PEAK1: variants seen among roughly 807,000 people sequenced by gnomAD.
PEAK1 encodes the protein inactive tyrosine-protein kinase PEAK1.
PEAK1 carries 54 observed loss-of-function variants against 124.7 expected under a neutral mutation model. That is an observed-to-expected ratio of 0.43 (90% confidence interval 0.35 to 0.54). The LOEUF is 0.54. PEAK1 is among the 20% of genes least tolerant of loss of function. The pLI is 0.01. For missense variants in PEAK1, 2,046 were observed against 2,134.5 expected (o/e 0.96, Z 0.82); for synonymous variants, 719 against 760.0 (o/e 0.95, Z 0.89).
intron 5 of PEAK1, among the ~76,000 whole-genome samples, chr15:77,275,723 T>C (rs754003697): frequency 2.0e-5 from 3 of 150,234 alleles, no homozygotes; most frequent in Non-Finnish European, 4.4e-5. Context: ...AATAAATAAA[T>C]AAATAAAATA....
At chr15:77,272,355 A>T (rs2062082357) in intron 5 of PEAK1, among the ~76,000 whole-genome samples, 1 of 152,232 alleles carries the variant, frequency 6.6e-6, no homozygotes, top group Non-Finnish European at 1.5e-5. Context: ...TAAAATTGAT[A>T]GACCATTAGT....
At chr15:77,241,973 AAATATTTTTCCACATC>A (rs781526048) in intron 6 of PEAK1, among the ~76,000 whole-genome samples, 7 of 152,062 alleles carry the variant, frequency 4.6e-5, no homozygotes, top group Non-Finnish European at 1.0e-4. Flanking sequence ...AATATATAAC[AAATATTTTTCCACATC>A]AATATTTTTC....
chr15:77,104,854 G>A (rs923668412), downstream of PEAK1: 3 of 152,208 alleles, frequency 2.0e-5, no homozygotes, highest in East Asian at 1.9e-4. Flanking sequence ...CACCTCACCA[G>A]ATTGTGAAGA....
chr15:77,122,374 T>G (rs1290205388), intron 9 of PEAK1, among the ~76,000 whole-genome samples: 1 of 152,208 alleles, frequency 6.6e-6, no homozygotes, highest in African/African-American at 2.4e-5. Context: ...CCACTCAGCA[T>G]GTGTATCCAA....
rs1014347355 is a variant in PEAK1, at chr15:77,348,528, T to C, written c.-603+16635A>G. ...ATATACAGGCCAAACTCCTTTATTT[T>C]ACCTATGAAGAAATAAAAGCTTGGC... On this transcript the variant is annotated intron_variant, in intron 2 of 9. Transcript: ENST00000682557. The C allele has an allele frequency of 2.3e-5, 22 of 964,850 alleles. No homozygotes were observed. In the African/African-American group the frequency reaches 3.0e-4, roughly 13 times the overall value. 59.8% of individuals were successfully genotyped at this position (964,850 alleles called of 1,614,324 possible). A position where few individuals can be genotyped will look rare whatever the true frequency, so the allele number is the denominator to read the frequency against.
intron 6 of PEAK1, among the ~76,000 whole-genome samples, chr15:77,211,543 TA>T (rs1386990919): frequency 6.6e-6 from 1 of 152,082 alleles, no homozygotes; most frequent in African/African-American, 2.4e-5. Flanking sequence ...CTGCTATAAT[TA>T]TTATTCAATA....
intron 1 of PEAK1, among the ~76,000 whole-genome samples, chr15:77,399,501 C>G (rs1225312316): frequency 6.6e-6 from 1 of 151,912 alleles, no homozygotes. Flanking sequence ...AATGGAGAAC[C>G]CAAAAACAAA....
intron 2 of PEAK1, chr15:77,351,102 A>C (rs923698511): frequency 7.5e-5 from 15 of 200,328 alleles, no homozygotes. Context: ...ATAATGAGAC[A>C]AGTGCCATAA....
chr15:77,394,453 G>A (rs2070737492), intron 1 of PEAK1, among the ~76,000 whole-genome samples: 1 of 152,206 alleles, frequency 6.6e-6, no homozygotes, highest in South Asian at 2.1e-4. Flanking sequence ...TTGTTTGGGA[G>A]AAGGTAAGGG....
chr15:77,332,807 G>A (rs1217086831), intron 2 of PEAK1, among the ~76,000 whole-genome samples: 3 of 151,234 alleles, frequency 2.0e-5, no homozygotes, highest in African/African-American at 7.3e-5. Flanking sequence ...ATGAGTTTGA[G>A]GATGCTTTCC....
chr15:77,319,988 C>A (rs2065098683), intron 2 of PEAK1, among the ~76,000 whole-genome samples: 1 of 152,134 alleles, frequency 6.6e-6, no homozygotes, highest in Non-Finnish European at 1.5e-5. Context: ...AAAATGCCTT[C>A]TTTGTAACAA....
At chr15:77,222,431 T>C (rs1271035039) in intron 6 of PEAK1, among the ~76,000 whole-genome samples, 1 of 152,056 alleles carries the variant, frequency 6.6e-6, no homozygotes, top group Admixed American at 6.6e-5. Context: ...TATATATTAC[T>C]GCTAATCACT....
At chr15:77,353,113 T>C (rs1406536203) in intron 2 of PEAK1, 1 of 395,374 alleles carries the variant, frequency 2.5e-6, no homozygotes, top group East Asian at 1.6e-4. Context: ...CTTTTCAATA[T>C]CAACCCCAAA....
chr15:77,219,015 A>G (rs774029516), intron 6 of PEAK1, among the ~76,000 whole-genome samples: 21 of 152,172 alleles, frequency 1.4e-4, no homozygotes, highest in Middle Eastern at 6.3e-3. Flanking sequence ...GGATTAAATC[A>G]TGTAAATTGT....
intron 2 of PEAK1, chr15:77,355,619 G>T: frequency 3.3e-6 from 1 of 303,786 alleles, no homozygotes; most frequent in Non-Finnish European, 4.8e-6. Context: ...CTTTGCTGCA[G>T]CCAGCTCACA....
At chr15:77,318,109 CT>C (rs2064986762) in intron 2 of PEAK1, among the ~76,000 whole-genome samples, 1 of 151,368 alleles carries the variant, frequency 6.6e-6, no homozygotes, top group Non-Finnish European at 1.5e-5. Context: ...AGCTTTGTAT[CT>C]TGACTATTTT....
intron 7 of PEAK1, among the ~76,000 whole-genome samples, chr15:77,167,450 A>G (rs2152801339): frequency 6.6e-6 from 1 of 152,366 alleles, no homozygotes; most frequent in East Asian, 1.9e-4. Flanking sequence ...TCTCTAAAAC[A>G]TGATTATTTA....
chr15:77,352,109 A>C, intron 2 of PEAK1: 1 of 851,426 alleles, frequency 1.2e-6, no homozygotes, highest in Non-Finnish European at 1.4e-6. Flanking sequence ...GGTTCCAGCT[A>C]CTCAGGAGAT....
intron 2 of PEAK1, among the ~76,000 whole-genome samples, chr15:77,358,072 G>T (rs2067635540): frequency 6.6e-6 from 1 of 152,080 alleles, no homozygotes; most frequent in Non-Finnish European, 1.5e-5. Context: ...CCTTCCCTCA[G>T]AAGAAAGAAG....
Sources: allele counts gnomAD v4.1 joint callset (sites outside exome capture counted in the v4.1 genomes callset), GRCh38; gene constraint gnomAD v4.1.1; transcripts MANE v1.5; gene names NCBI Gene and HGNC (gene_info 2026-07-23, HGNC 2026-07-21).